RBFOX1: variants seen among roughly 807,000 people sequenced by gnomAD.
RBFOX1 encodes the protein RNA binding protein fox-1 homolog 1.
Under a neutral mutation model 57.7 loss-of-function variants are expected in RBFOX1, and 8 were observed. The ratio of observed to expected loss-of-function variants is 0.14; its 90% CI spans 0.08 to 0.25. The LOEUF (loss-of-function observed/expected upper bound fraction) is 0.25. RBFOX1 is among the 10% of genes least tolerant of loss of function. The pLI is 1.00. For missense variants in RBFOX1, 611 were observed against 548.5 expected, an observed-to-expected ratio of 1.11 and a Z score of -1.14; for synonymous variants, 326 against 222.4, an observed-to-expected ratio of 1.47 and a Z score of -4.15.
chr16:7,430,188 A>C (rs2098665164), intron 4 of RBFOX1, among the ~76,000 whole-genome samples: 1 of 152,246 alleles, frequency 6.6e-6, no homozygotes, highest in African/African-American at 2.4e-5. Context: ...TTGGATAAAT[A>C]ATGTTCCATT....
At chr16:5,903,618 C>A (rs1034853929) in intron 4 of RBFOX1, among the ~76,000 whole-genome samples, 1 of 152,136 alleles carries the variant, frequency 6.6e-6, no homozygotes, top group Non-Finnish European at 1.5e-5. Flanking sequence ...CCCCATTAGA[C>A]CTATGAGAAC....
chr16:7,402,793 A>G (rs543371803), intron 4 of RBFOX1, among the ~76,000 whole-genome samples: 1 of 152,198 alleles, frequency 6.6e-6, no homozygotes, highest in Non-Finnish European at 1.5e-5. Context: ...TAACCTCAAC[A>G]GCAGGGATAG....
chr16:5,719,473 G>A (rs781440071), intron 3 of RBFOX1, among the ~76,000 whole-genome samples: 37 of 151,778 alleles, frequency 2.4e-4, no homozygotes, highest in Non-Finnish European at 5.3e-4. Flanking sequence ...GCCTCCCAAA[G>A]TGCTGGGATT....
chr16:6,777,436 A>T (rs1321018445), intron 3 of RBFOX1, among the ~76,000 whole-genome samples: 3 of 152,162 alleles, frequency 2.0e-5, no homozygotes, highest in Non-Finnish European at 4.4e-5. Context: ...CAACCAAATA[A>T]CACTAGGTAT....
chr16:6,232,691 G>A (rs771575675), intron 1 of RBFOX1, among the ~76,000 whole-genome samples: 1 of 152,130 alleles, frequency 6.6e-6, no homozygotes, highest in Non-Finnish European at 1.5e-5. Flanking sequence ...TTTAAGGTCC[G>A]TGCTCTGCCT....
chr16:5,692,969 A>G (rs1428324110), intron 3 of RBFOX1, among the ~76,000 whole-genome samples: 6 of 152,208 alleles, frequency 3.9e-5, no homozygotes, highest in Non-Finnish European at 7.3e-5. Context: ...CTTTGCAAAC[A>G]TCTGGACTCA....
chr16:7,517,392 G>A (rs1437810299), intron 4 of RBFOX1, among the ~76,000 whole-genome samples: 2 of 151,938 alleles, frequency 1.3e-5, no homozygotes, highest in Admixed American at 6.6e-5. Flanking sequence ...GGGAGGGAGA[G>A]GCATTGACTA....
At chr16:6,859,754 C>T (rs1362678417) in intron 3 of RBFOX1, among the ~76,000 whole-genome samples, 2 of 152,094 alleles carry the variant, frequency 1.3e-5, no homozygotes, top group African/African-American at 4.8e-5. Flanking sequence ...CAATAGCAGA[C>T]ATGTTAATAT....
At chr16:5,995,234 C>A (rs1015619982) in intron 4 of RBFOX1, among the ~76,000 whole-genome samples, 5 of 152,114 alleles carry the variant, frequency 3.3e-5, no homozygotes, top group Non-Finnish European at 7.4e-5. Flanking sequence ...AAGCAATATT[C>A]TGTGGGAAAG....
At chr16:7,152,487 G>A (rs1445855798) in intron 4 of RBFOX1, among the ~76,000 whole-genome samples, 1 of 152,108 alleles carries the variant, frequency 6.6e-6, no homozygotes, top group African/African-American at 2.4e-5. Context: ...ATTTCAACTA[G>A]GATCTTTAAA....
At chr16:6,627,982 T>C (rs1476532009) in intron 2 of RBFOX1, among the ~76,000 whole-genome samples, 5 of 152,232 alleles carry the variant, frequency 3.3e-5, no homozygotes, top group African/African-American at 1.2e-4. Context: ...TCAACAGCCA[T>C]AACCATGTGA....
chr16:6,948,862 A>C (rs191283250), intron 3 of RBFOX1, among the ~76,000 whole-genome samples: 3 of 152,286 alleles, frequency 2.0e-5, no homozygotes, highest in African/African-American at 7.2e-5. Context: ...GTCCGTCTAT[A>C]AACCGATTAC....
chr16:7,418,078 C>G (rs565206245), intron 4 of RBFOX1, among the ~76,000 whole-genome samples: 1 of 152,166 alleles, frequency 6.6e-6, no homozygotes, highest in Admixed American at 6.5e-5. Context: ...CTCCCTGTCA[C>G]TCTCTGCCCA....
chr16:6,229,891 C>G (rs1307761714), intron 1 of RBFOX1, among the ~76,000 whole-genome samples: 1 of 151,782 alleles, frequency 6.6e-6, no homozygotes, highest in African/African-American at 2.4e-5. Flanking sequence ...TATCGCATGT[C>G]TTAGAATATT....
chr16:6,716,126 C>T (rs1027831980), intron 3 of RBFOX1, among the ~76,000 whole-genome samples: 3 of 152,124 alleles, frequency 2.0e-5, no homozygotes, highest in African/African-American at 7.2e-5. Flanking sequence ...GCAAATTCTA[C>T]AGAAAAATAG....
intron 2 of RBFOX1, among the ~76,000 whole-genome samples, chr16:5,546,902 A>G (rs2045230341): frequency 6.6e-6 from 1 of 152,192 alleles, no homozygotes; most frequent in Non-Finnish European, 1.5e-5. Flanking sequence ...AACTCTCAAA[A>G]CTCGATAATA....
At chr16:5,754,505 G>A (rs1001261325) in intron 3 of RBFOX1, among the ~76,000 whole-genome samples, 9 of 142,026 alleles carry the variant, frequency 6.3e-5, no homozygotes, top group Non-Finnish European at 1.1e-4. Context: ...GGGACCCGGG[G>A]AACCAGCGTT....
chr16:5,767,624 G>A (rs1402741623), intron 3 of RBFOX1, among the ~76,000 whole-genome samples: 5 of 152,100 alleles, frequency 3.3e-5, no homozygotes, highest in African/African-American at 1.2e-4. Flanking sequence ...AGGACACAAC[G>A]GGATTTGCCA....
At chr16:6,882,745 C>T (rs965034024) in intron 3 of RBFOX1, among the ~76,000 whole-genome samples, 11 of 152,028 alleles carry the variant, frequency 7.2e-5, no homozygotes, top group African/African-American at 1.2e-4. Flanking sequence ...ACCAAAGAGA[C>T]GAGTTCCTTA....
Sources: allele counts gnomAD v4.1 joint callset (sites outside exome capture counted in the v4.1 genomes callset), GRCh38; gene constraint gnomAD v4.1.1; transcripts MANE v1.5; gene names NCBI Gene and HGNC (gene_info 2026-07-23, HGNC 2026-07-21).